SLC24A3: variants seen among roughly 807,000 people sequenced by gnomAD.
SLC24A3 encodes the protein solute carrier family 24 member 3, also known as sodium/potassium/calcium exchanger 3.
SLC24A3 carries 28 observed loss-of-function variants against 75.8 expected under a neutral mutation model. The observed-to-expected ratio is 0.37, with a 90% CI of 0.27 to 0.51. The LOEUF (loss-of-function observed/expected upper bound fraction) is 0.51. SLC24A3 is among the 20% of genes least tolerant of loss of function. SLC24A3 has a pLI of 0.94. For synonymous variants in SLC24A3, 372 were observed against 334.1 expected, an observed-to-expected ratio of 1.11 and a Z score of -1.24; for missense variants, 663 against 847.8, an observed-to-expected ratio of 0.78 and a Z score of 2.71.
At chr20:19,326,503 A>C (rs1229589939) in intron 2 of SLC24A3, among the ~76,000 whole-genome samples, 1 of 152,090 alleles carries the variant, frequency 6.6e-6, no homozygotes, top group South Asian at 2.1e-4. Flanking sequence ...AACTAGGGGC[A>C]GTGGGTGTGT....
chr20:19,405,311 C>T (rs920903699), intron 2 of SLC24A3, among the ~76,000 whole-genome samples: 2 of 152,156 alleles, frequency 1.3e-5, no homozygotes, highest in African/African-American at 4.8e-5. Flanking sequence ...CTTCTTCCAG[C>T]AGCTCTTTGA....
chr20:19,350,555 C>T (rs988037895), intron 2 of SLC24A3, among the ~76,000 whole-genome samples: 6 of 152,180 alleles, frequency 3.9e-5, no homozygotes, highest in South Asian at 2.1e-4. Context: ...TTTGCCACTA[C>T]GCCTGCCAGA....
intron 6 of SLC24A3, among the ~76,000 whole-genome samples, chr20:19,613,077 G>A (rs866904604): frequency 2.1e-4 from 32 of 152,180 alleles, no homozygotes; most frequent in Middle Eastern, 6.8e-3. Flanking sequence ...TCACCATCTT[G>A]GTAAGGTCTT....
At chr20:19,578,806 T>C (rs1568661721) in intron 3 of SLC24A3, among the ~76,000 whole-genome samples, 1 of 152,092 alleles carries the variant, frequency 6.6e-6, no homozygotes, top group Non-Finnish European at 1.5e-5. Flanking sequence ...TCATGGTATG[T>C]TATGAAGTCA....
intron 1 of SLC24A3, among the ~76,000 whole-genome samples, chr20:19,277,858 G>A (rs1336477853): frequency 2.0e-5 from 3 of 152,186 alleles, no homozygotes; most frequent in Non-Finnish European, 4.4e-5. Flanking sequence ...GTCATTGGAA[G>A]GGATACTCCT....
intron 2 of SLC24A3, among the ~76,000 whole-genome samples, chr20:19,423,982 G>A (rs907877040): frequency 1.3e-5 from 2 of 152,180 alleles, no homozygotes; most frequent in South Asian, 4.1e-4. Context: ...TTTAAAGGAA[G>A]TGAAGTTATG....
Position 19,700,826 on chromosome 20 carries a change from C to T in SLC24A3, c.1719+2146C>T, listed in dbSNP as rs551337711. On this transcript the variant is annotated intron_variant, in intron 15 of 16. Coordinates refer to ENST00000328041, the MANE Select transcript of SLC24A3 (RefSeq NM_020689.4). ...ACTTAATCATGCTGCTGCTCTTGGA[C>T]ACTTATGTTGATTCAAACCTTTCAC... Among the ~76,000 whole-genome samples the T allele has an allele frequency of 4.6e-5, 7 of 152,312 alleles. No individual in the cohort carries two copies. The East Asian group carries it at 1.4e-3, about 29-fold the overall frequency.
intron 2 of SLC24A3, among the ~76,000 whole-genome samples, chr20:19,302,388 G>A (rs1277423560): frequency 6.6e-6 from 1 of 152,124 alleles, no homozygotes; most frequent in African/African-American, 2.4e-5. Context: ...CAAGTTTTTA[G>A]TATTTTATCT....
At chr20:19,493,853 G>A (rs781530362) in intron 2 of SLC24A3, among the ~76,000 whole-genome samples, 19 of 152,168 alleles carry the variant, frequency 1.2e-4, no homozygotes, top group Admixed American at 5.9e-4. Context: ...TTCTAGGGTC[G>A]TGCTGCAGAT....
chr20:19,629,121 G>A (rs2031903874), intron 6 of SLC24A3, among the ~76,000 whole-genome samples: 1 of 151,620 alleles, frequency 6.6e-6, no homozygotes, highest in South Asian at 2.1e-4. Flanking sequence ...AATGCCCAAT[G>A]AGCTATAAAA....
chr20:19,343,481 G>T lies in SLC24A3; in HGVS notation c.271+62394G>T, dbSNP rs373100063. ...AGCATAGTGAGTGCTTCATAATTTA[G>T]TCTATCGTATCTCATCATTACGGCA... On this transcript the variant is annotated intron_variant, in intron 2 of 16. Coordinates refer to ENST00000328041, the MANE Select transcript of SLC24A3 (RefSeq NM_020689.4). 2.0e-5 allele frequency among the ~76,000 whole-genome samples: 3 copies of T among 152,088 alleles called. No homozygotes were observed. The South Asian group carries it at 6.2e-4, about 31-fold the overall frequency.
chr20:19,314,137 A>G lies in SLC24A3; in HGVS notation c.271+33050A>G, dbSNP rs866843364. ...CACCTTTGAAAATTTTCTGTCCCCA[A>G]CTTTGTCTGTGGTTTTGCTGTAAGG... On this transcript the variant is annotated intron_variant, in intron 2 of 16. Coordinates refer to ENST00000328041, the MANE Select transcript of SLC24A3 (RefSeq NM_020689.4). 9.4e-4 allele frequency among the ~76,000 whole-genome samples: 143 copies of G among 152,006 alleles called. 3 individuals are homozygous for G. The highest frequency in any genetic ancestry group is 2.9e-3 in the African/African-American group (119 of 41,378).
chr20:19,670,022 G>A (rs1464092009), intron 8 of SLC24A3, among the ~76,000 whole-genome samples: 1 of 152,182 alleles, frequency 6.6e-6, no homozygotes, highest in Non-Finnish European at 1.5e-5. Flanking sequence ...CGAGAAAGGG[G>A]ACCAAGGAGG....
chr20:19,538,284 G>A (rs1056194876), intron 3 of SLC24A3, among the ~76,000 whole-genome samples: 3 of 152,124 alleles, frequency 2.0e-5, no homozygotes, highest in Middle Eastern at 3.2e-3. Context: ...TGATTTGATC[G>A]TCAGTGGGTA....
chr20:19,472,789 G>A (rs1191092183), intron 2 of SLC24A3, among the ~76,000 whole-genome samples: 1 of 152,166 alleles, frequency 6.6e-6, no homozygotes, highest in Admixed American at 6.5e-5. Context: ...GTAGTGAGTG[G>A]GGTAGGAAGA....
At chr20:19,534,830 A>G (rs2030367725) in intron 3 of SLC24A3, among the ~76,000 whole-genome samples, 1 of 152,168 alleles carries the variant, frequency 6.6e-6, no homozygotes, top group South Asian at 2.1e-4. Context: ...GTAGATCTAG[A>G]CCAGCATTTT....
At position 19,231,783 on chromosome 20, in the gene SLC24A3, G is replaced by T. The variant is rs1321684878; in HGVS notation, c.142+18799G>T. ...CCCAGTGTATCGAATATTGGCCATGGTCTAACTCTCTGCAGAGCAGGAACA... is the reference window on the plus strand; with the variant it reads ...CCCAGTGTATCGAATATTGGCCATGTTCTAACTCTCTGCAGAGCAGGAACA... On this transcript the variant is annotated intron_variant, in intron 1 of 16. Coordinates refer to ENST00000328041, the MANE Select transcript of SLC24A3 (RefSeq NM_020689.4). Among the ~76,000 whole-genome samples the T allele has an allele frequency of 2.6e-5, 4 of 152,196 alleles. No homozygotes were observed. The East Asian group carries it at 5.8e-4, about 22-fold the overall frequency.
chr20:19,524,146 AC>A, intron 3 of SLC24A3, among the ~76,000 whole-genome samples: 1 of 151,944 alleles, frequency 6.6e-6, no homozygotes, highest in Admixed American at 6.6e-5. Flanking sequence ...TTGGTAACAC[AC>A]CTTTATTAGA....
chr20:19,213,102 G>T (rs989157718), intron 1 of SLC24A3, 118 bp downstream of exon 1: 1 of 1,101,038 alleles, frequency 9.1e-7, no homozygotes, highest in Non-Finnish European at 1.1e-6. Flanking sequence ...AAGCGGGCTG[G>T]GTTGGCGGGG....
Sources: allele counts gnomAD v4.1 joint callset (sites outside exome capture counted in the v4.1 genomes callset), GRCh38; gene constraint gnomAD v4.1.1; transcripts MANE v1.5; gene names NCBI Gene and HGNC (gene_info 2026-07-23, HGNC 2026-07-21).